The following ARHGEF3 variants were observed in gnomAD, a reference collection of about 807,000 sequenced individuals.
ARHGEF3 encodes the protein 59.8 kDA protein.
In ARHGEF3, 28 loss-of-function variants were observed where a neutral mutation model predicts 63.2. The ratio of observed to expected loss-of-function variants is 0.44; its 90% confidence interval spans 0.33 to 0.61. ARHGEF3 has a LOEUF of 0.61. ARHGEF3 is among the 20% of genes least tolerant of loss of function. The pLI, the probability that ARHGEF3 is intolerant of heterozygous loss-of-function variation, is 0.03. For missense variants in ARHGEF3, 533 were observed against 659.3 expected, an observed-to-expected ratio of 0.81 and a Z score of 2.10; for synonymous variants, 266 against 254.2, an observed-to-expected ratio of 1.05 and a Z score of -0.44.
At chr3:56,744,989 C>A (rs759475906) in intron 7 of ARHGEF3, among the ~76,000 whole-genome samples, 4 of 152,140 alleles carry the variant, frequency 2.6e-5, no homozygotes, top group African/African-American at 4.8e-5. Flanking sequence ...CAGCGTGTTT[C>A]ATGTAAGCAC....
intron 4 of ARHGEF3, among the ~76,000 whole-genome samples, chr3:56,826,638 A>C (rs575395138): frequency 2.6e-5 from 4 of 152,288 alleles, no homozygotes; most frequent in South Asian, 4.1e-4. Context: ...GGAGTCAGGG[A>C]TCTCATAAGT....
chr3:56,947,599 C>A (rs1322530758), intron 3 of ARHGEF3, among the ~76,000 whole-genome samples: 1 of 152,054 alleles, frequency 6.6e-6, no homozygotes, highest in Non-Finnish European at 1.5e-5. Flanking sequence ...ATATATGCAC[C>A]CAATACAGGA....
At chr3:56,946,973 C>T (rs1023963634) in intron 3 of ARHGEF3, among the ~76,000 whole-genome samples, 3 of 152,172 alleles carry the variant, frequency 2.0e-5, no homozygotes, top group African/African-American at 4.8e-5. Context: ...GGCCAATATT[C>T]GACATTCTTA....
At chr3:57,002,481 A>ATATATATATATATATATGT (rs1560122783) in intron 2 of ARHGEF3, among the ~76,000 whole-genome samples, 6 of 19,474 alleles carry the variant, frequency 3.1e-4, no homozygotes, top group Middle Eastern at 0.045. Context: ...TATATATGTT[A>ATATATATATATATATATGT]TATATATATA....
At chr3:56,789,240 T>A (rs909552652) in intron 1 of ARHGEF3, among the ~76,000 whole-genome samples, 2 of 152,174 alleles carry the variant, frequency 1.3e-5, no homozygotes, top group African/African-American at 2.4e-5. Context: ...CAAACTCAGT[T>A]CAGGCTGACT....
chr3:56,731,573 A>G (rs1171686276), intron 9 of ARHGEF3: 3 of 132,908 alleles, frequency 2.3e-5, no homozygotes, highest in South Asian at 2.9e-4. Context: ...TCCTATTGCT[A>G]TCCCTTCCTA....
In ARHGEF3 at chr3:56,754,973, G is replaced by C. The variant is rs201015804; in HGVS notation, c.375+8C>G. 29 of 1,613,958 alleles carry C rather than the reference G, an allele frequency of 1.8e-5. No individual in the cohort carries two copies. The East Asian group carries it at 3.8e-4, about 21-fold the overall frequency. On this transcript the variant is annotated splice_region_variant and intron_variant, in intron 3 of 9. Transcript: ENST00000296315. ...ACACACAGCCAGCTCCATGGGCCCC[G>C]AGCCTACCTCCTGACGTTTGATTTC...
At chr3:56,968,001 A>T (rs1700667453) in intron 2 of ARHGEF3, among the ~76,000 whole-genome samples, 1 of 44,500 alleles carries the variant, frequency 2.2e-5, no homozygotes. Flanking sequence ...AATATATAAT[A>T]TATATTTTTA....
intron 1 of ARHGEF3, among the ~76,000 whole-genome samples, chr3:57,056,967 C>T (rs73099713): frequency 3.3e-5 from 5 of 152,036 alleles, no homozygotes; most frequent in Non-Finnish European, 7.4e-5. Flanking sequence ...CCCCTGCCCC[C>T]TGCCCCCTTC....
chr3:57,035,196 A>C, intron 1 of ARHGEF3: 1 of 1,373,206 alleles, frequency 7.3e-7, no homozygotes, highest in Non-Finnish European at 9.8e-7. Flanking sequence ...AAAGCAAAAC[A>C]ACCAACATTT....
chr3:56,849,754 G>C (rs1392106596), intron 4 of ARHGEF3, among the ~76,000 whole-genome samples: 1 of 152,034 alleles, frequency 6.6e-6, no homozygotes, highest in Non-Finnish European at 1.5e-5. Flanking sequence ...CACAAAGAGT[G>C]GAAAAGTGTC....
intron 3 of ARHGEF3, among the ~76,000 whole-genome samples, chr3:56,911,997 A>G (rs944238818): frequency 6.6e-6 from 1 of 151,716 alleles, no homozygotes; most frequent in African/African-American, 2.4e-5. Flanking sequence ...ATATATATAC[A>G]TATATATGTT....
intron 3 of ARHGEF3, among the ~76,000 whole-genome samples, chr3:56,944,159 C>A (rs1047244868): frequency 2.0e-5 from 3 of 152,056 alleles, no homozygotes; most frequent in Admixed American, 6.5e-5. Context: ...GATGACAGAG[C>A]GAGATTCAGT....
intron 3 of ARHGEF3, among the ~76,000 whole-genome samples, chr3:56,899,641 G>C (rs2041438261): frequency 6.6e-6 from 1 of 152,074 alleles, no homozygotes; most frequent in African/African-American, 2.4e-5. Context: ...AAATTATGAA[G>C]CCTTTTTCAG....
chr3:56,979,031 C>G (rs1326117040), intron 2 of ARHGEF3, among the ~76,000 whole-genome samples: 1 of 152,182 alleles, frequency 6.6e-6, no homozygotes, highest in Non-Finnish European at 1.5e-5. Flanking sequence ...TGGCATGCAC[C>G]TGTAGTCCCA....
At position 56,823,985 on chromosome 3, in the gene ARHGEF3, GGA is replaced by G. The variant is rs776280784; in HGVS notation, c.193-50171_193-50170del. Among the ~76,000 whole-genome samples the G allele has an allele frequency of 1.7e-4, 5 of 30,074 alleles. No individual in the cohort carries two copies. In the East Asian group the frequency reaches 5.7e-3, roughly 34 times the overall value. 19.7% of individuals were successfully genotyped at this position (30,074 alleles called of 152,430 possible). A position where few individuals can be genotyped will look rare whatever the true frequency, so the allele number is the denominator to read the frequency against. On this transcript the variant is annotated intron_variant, in intron 4 of 12. Coordinates refer to the ARHGEF3 transcript ENST00000338458. ...ACAAAGAGAAAAGATCTTGAGGAAA[GGA>G]AAAAAAAAAAAAAAAAAACAGAACG...
intron 4 of ARHGEF3, among the ~76,000 whole-genome samples, chr3:56,825,806 C>T (rs992877387): frequency 3.9e-5 from 6 of 152,100 alleles, no homozygotes; most frequent in African/African-American, 1.2e-4. Context: ...AGCTTTGGTT[C>T]CTCCCTTTTC....
chr3:57,015,453 CT>C (rs1408753904), intron 2 of ARHGEF3, among the ~76,000 whole-genome samples: 1 of 151,908 alleles, frequency 6.6e-6, no homozygotes, highest in East Asian at 1.9e-4. Flanking sequence ...TTTAAAAATT[CT>C]TTTTATTTTT....
chr3:56,777,554 G>A (rs1490657292), intron 1 of ARHGEF3, among the ~76,000 whole-genome samples: 2 of 152,126 alleles, frequency 1.3e-5, no homozygotes, highest in Non-Finnish European at 2.9e-5. Flanking sequence ...AAAAGCCAAA[G>A]CAGACTATAT....
Sources: gnomAD v4.1 joint callset for allele counts (sites outside exome capture counted in the v4.1 genomes callset) on GRCh38, gnomAD v4.1.1 for gene constraint, MANE v1.5 for transcripts, NCBI Gene and HGNC (gene_info 2026-07-23, HGNC 2026-07-21) for gene names.